The following KIF13B variants were observed in gnomAD, a reference collection of about 807,000 sequenced individuals.
The protein encoded by KIF13B is kinesin family member 13B, also known as kinesin-like protein KIF13B.
KIF13B carries 127 observed loss-of-function variants against 222.0 expected under a neutral mutation model. The ratio of observed to expected loss-of-function variants is 0.57; its 90% CI spans 0.50 to 0.66. KIF13B has a LOEUF of 0.66. Ranked by LOEUF, KIF13B falls within the 30% of genes least tolerant of loss-of-function variation. The pLI is 0.00. For synonymous variants in KIF13B, 976 were observed against 919.0 expected (o/e 1.06, Z -1.12); for missense variants, 2,173 against 2,379.0 (o/e 0.91, Z 1.80).
intron 37 of KIF13B, among the ~76,000 whole-genome samples, chr8:29,089,349 G>A (rs909825958): frequency 2.6e-5 from 4 of 152,280 alleles, no homozygotes; most frequent in Admixed American, 1.3e-4. Flanking sequence ...TGAGGGTGGA[G>A]GATTCCCTGA....
chr8:29,209,803 A>G lies in KIF13B; in HGVS notation c.150-13604T>C, dbSNP rs189710499. On this transcript the variant is annotated intron_variant, in intron 2 of 39. Transcript: ENST00000524189. ...GTGGCGGCTCATGTCTGTAATCCCA[A>G]CACTATGGGAGGCTGAGTTGGGAAG... is the stretch of plus-strand genomic sequence containing the variant. Among the ~76,000 whole-genome samples, 436 of 150,730 alleles carry G rather than the reference A, an allele frequency of 2.9e-3. 3 individuals are homozygous for G. Among genetic ancestry groups the G allele is most frequent in the African/African-American group, 0.01 (418 of 40,990 alleles).
intron 14 of KIF13B, among the ~76,000 whole-genome samples, chr8:29,153,279 G>A (rs1487569492): frequency 1.3e-5 from 2 of 152,150 alleles, no homozygotes; most frequent in African/African-American, 4.8e-5. Context: ...CAATCTACGT[G>A]AATGAAAATA....
intron 2 of KIF13B, among the ~76,000 whole-genome samples, chr8:29,213,884 G>A (rs1814351609): frequency 6.6e-6 from 1 of 152,120 alleles, no homozygotes; most frequent in South Asian, 2.1e-4. Flanking sequence ...AATGCGGCAG[G>A]CGGAGGTTGC....
At chr8:29,257,079 T>A (rs191002425) in intron 1 of KIF13B, among the ~76,000 whole-genome samples, 1 of 152,182 alleles carries the variant, frequency 6.6e-6, no homozygotes, top group East Asian at 1.9e-4. Flanking sequence ...AAAGTCTGGT[T>A]TGAAGAATAA....
At chr8:29,148,541 G>C in intron 16 of KIF13B, 36 bp downstream of exon 16, 1 of 1,496,752 alleles carries the variant, frequency 6.7e-7, no homozygotes, top group Non-Finnish European at 9.0e-7. Flanking sequence ...TCTACCAACT[G>C]GAACTGATTC....
intron 2 of KIF13B, among the ~76,000 whole-genome samples, chr8:29,224,367 T>C (rs188725351): frequency 7.2e-4 from 109 of 152,256 alleles, no homozygotes; most frequent in African/African-American, 2.5e-3. Context: ...AGAGAGTATA[T>C]AGAAGTGTAA....
intron 31 of KIF13B, among the ~76,000 whole-genome samples, chr8:29,115,506 A>G (rs1170992019): frequency 6.6e-6 from 1 of 151,914 alleles, no homozygotes; most frequent in Non-Finnish European, 1.5e-5. Context: ...TTGTAGTTTT[A>G]GTAGAGACAG....
intron 7 of KIF13B, 22 bp from the exon 8 acceptor site, chr8:29,180,260 A>G: frequency 3.1e-6 from 5 of 1,613,390 alleles, no homozygotes; most frequent in Non-Finnish European, 4.2e-6. Flanking sequence ...CAAGTCATAG[A>G]CCCACGTTTC....
chr8:29,123,989 G>T, intron 27 of KIF13B, 35 bp downstream of exon 27: 1 of 1,295,884 alleles, frequency 7.7e-7, no homozygotes, highest in Non-Finnish European at 1.1e-6. Flanking sequence ...GCATTGATTT[G>T]CAGGGGAGAA....
chr8:29,246,538 A>G (rs1816030857), intron 1 of KIF13B, among the ~76,000 whole-genome samples: 1 of 152,212 alleles, frequency 6.6e-6, no homozygotes, highest in Non-Finnish European at 1.5e-5. Context: ...ATATTCCCCA[A>G]TTGATCTACA....
chr8:29,072,419 G>T, intron 38 of KIF13B, 103 bp from the exon 39 acceptor site: 1 of 714,306 alleles, frequency 1.4e-6, no homozygotes, highest in Non-Finnish European at 2.0e-6. Context: ...AGGGGCAGTG[G>T]CTCAGCCTGT....
At chr8:29,160,680 A>C in intron 13 of KIF13B, 53 bp downstream of exon 13, 1 of 1,535,220 alleles carries the variant, frequency 6.5e-7, no homozygotes, top group Non-Finnish European at 8.9e-7. Context: ...AAGTACTGTG[A>C]AATATTGTCC....
At chr8:29,248,993 G>C (rs548975593) in intron 1 of KIF13B, among the ~76,000 whole-genome samples, 467 of 152,310 alleles carry the variant, frequency 3.1e-3, no homozygotes, top group Non-Finnish European at 4.8e-3. Context: ...TGGTTGAATT[G>C]TATGGGGCAT....
At chr8:29,082,504 T>C (rs994079503) in intron 37 of KIF13B, among the ~76,000 whole-genome samples, 3 of 152,032 alleles carry the variant, frequency 2.0e-5, no homozygotes, top group Non-Finnish European at 2.9e-5. Flanking sequence ...TAGCCAGGCA[T>C]GGTAGCACAC....
In KIF13B at chr8:29,070,503, C is replaced by A; in HGVS notation, c.*1G>T. On this transcript the variant is annotated 3_prime_UTR_variant, in exon 40 of 40. Coordinates refer to ENST00000524189, the MANE Select transcript of KIF13B (RefSeq NM_015254.4). The surrounding 1 kb of genome is among the most constrained non-coding windows in gnomAD (Gnocchi z 4.1). ...AGAAAAGTTCGCCCTAAGGCAGCGG[C>A]TCAGCTGGCCCAGGATTTCCGGTTC... 1 of 1,610,202 alleles carries A rather than the reference C, an allele frequency of 6.2e-7. No homozygotes were observed. Among genetic ancestry groups the A allele is most frequent in the South Asian group, 1.1e-5 (1 of 90,506 alleles).
chr8:29,179,467 C>G (rs1812620196), intron 8 of KIF13B, among the ~76,000 whole-genome samples: 1 of 152,206 alleles, frequency 6.6e-6, no homozygotes, highest in Non-Finnish European at 1.5e-5. Context: ...CAGTTTAAAA[C>G]TCAAAAACTG....
chr8:29,136,758 C>CAATGA (rs201017417), intron 21 of KIF13B, among the ~76,000 whole-genome samples: 1,514 of 149,848 alleles, frequency 0.01, 12 homozygotes, highest in Non-Finnish European at 0.015. Flanking sequence ...CTTACCACAC[C>CAATGA]AATGAAATGA....
intron 6 of KIF13B, among the ~76,000 whole-genome samples, chr8:29,185,918 G>C (rs1179655614): frequency 6.6e-6 from 1 of 152,192 alleles, no homozygotes; most frequent in Non-Finnish European, 1.5e-5. Context: ...GGCCTCCTAA[G>C]ACTTCCAATC....
At chr8:29,214,326 AT>A (rs1463557080) in intron 2 of KIF13B, among the ~76,000 whole-genome samples, 1 of 152,230 alleles carries the variant, frequency 6.6e-6, no homozygotes, top group African/African-American at 2.4e-5. Flanking sequence ...CTACACAAAA[AT>A]ATCTTCTTTC....
Sources: gnomAD v4.1 joint callset for allele counts (sites outside exome capture counted in the v4.1 genomes callset) on GRCh38, gnomAD v4.1.1 for gene constraint, Gnocchi (gnomAD v3.1) non-coding constraint, MANE v1.5 for transcripts, NCBI Gene and HGNC (gene_info 2026-07-23, HGNC 2026-07-21) for gene names.